Variants in DPYD observed in about 807,000 individuals in gnomAD.
The protein encoded by DPYD is dihydropyrimidine dehydrogenase.
DPYD carries 109 observed loss-of-function variants against 116.2 expected under a neutral mutation model. The observed-to-expected ratio is 0.94, with a 90% CI of 0.80 to 1.10. DPYD has a LOEUF of 1.10. Ranked by LOEUF, DPYD falls within the 50% of genes least tolerant of loss-of-function variation. The probability of loss-of-function intolerance (pLI) is 0.00; values close to 1 mark genes in which losing one functional copy is unlikely to be tolerated. For synonymous variants in DPYD, 440 were observed against 432.0 expected (o/e 1.02, Z -0.23); for missense variants, 1,302 against 1,254.5 (o/e 1.04, Z -0.57).
chr1:97,721,057 T>G, intron 5 of DPYD: 1 of 1,314,484 alleles, frequency 7.6e-7, no homozygotes, highest in Non-Finnish European at 1.0e-6. Context: ...TAAATAACAT[T>G]ACTTAGTTTC....
At chr1:97,579,550 C>A (rs1381466094) in intron 10 of DPYD, among the ~76,000 whole-genome samples, 1 of 152,232 alleles carries the variant, frequency 6.6e-6, no homozygotes, top group Non-Finnish European at 1.5e-5. Context: ...TAACCACATG[C>A]AGCGTTACTG....
At chr1:97,297,720 A>C (rs1006318172) in intron 18 of DPYD, among the ~76,000 whole-genome samples, 2 of 152,214 alleles carry the variant, frequency 1.3e-5, no homozygotes, top group African/African-American at 2.4e-5. Flanking sequence ...GTTTGAGAAC[A>C]TAACTAGGTA....
At chr1:97,209,303 T>C (rs1659884381) in intron 19 of DPYD, among the ~76,000 whole-genome samples, 1 of 152,186 alleles carries the variant, frequency 6.6e-6, no homozygotes, top group Admixed American at 6.6e-5. Flanking sequence ...GTCTATAAAA[T>C]GTCACACTTT....
intron 8 of DPYD, among the ~76,000 whole-genome samples, chr1:97,606,171 G>C (rs139743335): frequency 0.013 from 1,996 of 151,992 alleles, 23 homozygotes; most frequent in Middle Eastern, 0.024. Flanking sequence ...ACAAATCCTA[G>C]GTATTAATTT....
At chr1:97,225,681 G>A (rs908861224) in intron 19 of DPYD, among the ~76,000 whole-genome samples, 4 of 148,918 alleles carry the variant, frequency 2.7e-5, no homozygotes, top group Non-Finnish European at 5.9e-5. Context: ...TTTTCATCTT[G>A]TTGATTGCTT....
At chr1:97,825,704 T>C (rs928239845) in intron 3 of DPYD, among the ~76,000 whole-genome samples, 1 of 151,130 alleles carries the variant, frequency 6.6e-6, no homozygotes, top group African/African-American at 2.4e-5. Flanking sequence ...CACACCAACA[T>C]GGCGCATGTA....
chr1:97,192,345 C>T (rs1379075711), intron 20 of DPYD, among the ~76,000 whole-genome samples: 1 of 151,268 alleles, frequency 6.6e-6, no homozygotes, highest in African/African-American at 2.4e-5. Context: ...TACTGCCTCT[C>T]TTTTTTTTAA....
At chr1:97,833,682 C>T (rs1476532699) in intron 2 of DPYD, among the ~76,000 whole-genome samples, 1 of 151,862 alleles carries the variant, frequency 6.6e-6, no homozygotes, top group Non-Finnish European at 1.5e-5. Flanking sequence ...TCAGCAACGA[C>T]GTTTTCAATA....
intron 3 of DPYD, among the ~76,000 whole-genome samples, chr1:97,767,882 A>C (rs1230442481): frequency 6.6e-6 from 1 of 151,740 alleles, no homozygotes; most frequent in East Asian, 1.9e-4. Flanking sequence ...CTCTCTTTAA[A>C]TAGAGCCAAA....
chr1:97,255,114 G>A (rs189321189), intron 18 of DPYD, among the ~76,000 whole-genome samples: 1 of 152,210 alleles, frequency 6.6e-6, no homozygotes, highest in Admixed American at 6.5e-5. Context: ...CACTGTTTGA[G>A]GTGTTTCTGC....
At chr1:97,597,712 T>C (rs1380677156) in intron 8 of DPYD, among the ~76,000 whole-genome samples, 1 of 152,210 alleles carries the variant, frequency 6.6e-6, no homozygotes, top group African/African-American at 2.4e-5. Flanking sequence ...GGAGAAATTC[T>C]GTCTTAAGTC....
intron 20 of DPYD, among the ~76,000 whole-genome samples, chr1:97,141,652 C>G (rs888400585): frequency 6.6e-6 from 1 of 152,118 alleles, no homozygotes; most frequent in Non-Finnish European, 1.5e-5. Context: ...CATTTATTAT[C>G]TTTACTGTTT....
intron 1 of DPYD, among the ~76,000 whole-genome samples, chr1:97,891,392 A>C (rs1324548508): frequency 2.0e-5 from 3 of 150,436 alleles, no homozygotes; most frequent in Non-Finnish European, 3.0e-5. Flanking sequence ...TCAGTAACAC[A>C]ATAAAGATAC....
At chr1:97,195,521 A>G (rs1223604906) in intron 19 of DPYD, among the ~76,000 whole-genome samples, 2 of 8,464 alleles carry the variant, frequency 2.4e-4, no homozygotes, top group South Asian at 0.014. Flanking sequence ...TGGGATAAGG[A>G]GAGAGAGAGA....
rs868795718 is a variant in DPYD, at chr1:97,162,668, A to G, written c.2622+30401T>C. On this transcript the variant is annotated intron_variant, in intron 20 of 22. Coordinates refer to ENST00000370192, the MANE Select transcript of DPYD (RefSeq NM_000110.4). The stretch of plus-strand genomic sequence containing the variant: ...ATGGAACCAAAAAAGAGCCCGCATC[A>G]CCAAGTCAATCCTAAGCCAAAAGAA... 7.8e-4 allele frequency among the ~76,000 whole-genome samples: 118 copies of G among 152,132 alleles called. 1 individual carries two copies. The highest frequency in any genetic ancestry group is 4.2e-3 in the South Asian group (20 of 4,816).
At chr1:97,240,403 C>T (rs1483333728) in intron 18 of DPYD, among the ~76,000 whole-genome samples, 3 of 151,838 alleles carry the variant, frequency 2.0e-5, no homozygotes, top group Non-Finnish European at 4.4e-5. Flanking sequence ...TGCTAAATAA[C>T]TGGAATTTTG....
At chr1:97,829,977 CTA>C (rs1669450714) in intron 2 of DPYD, among the ~76,000 whole-genome samples, 1 of 151,992 alleles carries the variant, frequency 6.6e-6, no homozygotes, top group South Asian at 2.1e-4. Context: ...CAATTCTCAC[CTA>C]TGAGTGAGAA....
intron 14 of DPYD, among the ~76,000 whole-genome samples, chr1:97,384,245 A>AG (rs1672169072): frequency 8.0e-6 from 1 of 124,780 alleles, no homozygotes; most frequent in African/African-American, 2.9e-5. Context: ...ATTTACTTTG[A>AG]GAAAAAAAAA....
Position 97,157,033 on chromosome 1 carries a change from C to T in DPYD, c.2622+36036G>A, listed in dbSNP as rs375286911. Among the ~76,000 whole-genome samples, 10 of 144,178 alleles carry T rather than the reference C, an allele frequency of 6.9e-5. No homozygotes were observed. The East Asian group carries it at 8.3e-4, about 12-fold the overall frequency. 94.6% of individuals were successfully genotyped at this position (144,178 alleles called of 152,430 possible). ...ATCGCAAGAACAAAAAACCAAACAC[C>T]GCATATTCTCACTCATAGGTGGGAA... On this transcript the variant is annotated intron_variant, in intron 20 of 22. Transcript: ENST00000370192.
Sources: gnomAD v4.1 joint callset for allele counts (sites outside exome capture counted in the v4.1 genomes callset) on GRCh38, gnomAD v4.1.1 for gene constraint, MANE v1.5 for transcripts, NCBI Gene and HGNC (gene_info 2026-07-23, HGNC 2026-07-21) for gene names.